Variants in RBMS1 observed in about 807,000 individuals in gnomAD.
The protein encoded by RBMS1 is RNA-binding motif, single-stranded-interacting protein 1.
Under a neutral mutation model 62.3 loss-of-function variants are expected in RBMS1, and 17 were observed. The ratio of observed to expected loss-of-function variants is 0.27; its 90% CI spans 0.19 to 0.41. The LOEUF is 0.41. Ranked by LOEUF, RBMS1 falls within the 10% of genes least tolerant of loss-of-function variation. The pLI, the probability that RBMS1 is intolerant of heterozygous loss-of-function variation, is 1.00. For missense variants in RBMS1, 334 were observed against 504.5 expected (o/e 0.66, Z 3.24); for synonymous variants, 172 against 170.0 (o/e 1.01, Z -0.09).
chr2:160,374,005 G>C (rs1291182059), intron 1 of RBMS1, among the ~76,000 whole-genome samples: 1 of 152,172 alleles, frequency 6.6e-6, no homozygotes, highest in Non-Finnish European at 1.5e-5. Flanking sequence ...AGGGGTGGTG[G>C]CTCATATCTG....
chr2:160,325,080 T>C (rs1052022332), intron 2 of RBMS1, among the ~76,000 whole-genome samples: 2 of 151,146 alleles, frequency 1.3e-5, no homozygotes, highest in African/African-American at 2.4e-5. Flanking sequence ...AGATGGGAGG[T>C]AGAATGTTTG....
chr2:160,310,308 G>A (rs1012825567), intron 4 of RBMS1, among the ~76,000 whole-genome samples: 1 of 152,136 alleles, frequency 6.6e-6, no homozygotes, highest in South Asian at 2.1e-4. Context: ...ACGGTTGTCA[G>A]CCAACAATTG....
chr2:160,380,051 C>A (rs943745760), intron 1 of RBMS1, among the ~76,000 whole-genome samples: 1 of 152,172 alleles, frequency 6.6e-6, no homozygotes, highest in African/African-American at 2.4e-5. Context: ...AACATGCAAT[C>A]TTTCATTTTC....
chr2:160,369,660 G>A (rs188951485), intron 1 of RBMS1, among the ~76,000 whole-genome samples: 16 of 152,312 alleles, frequency 1.1e-4, no homozygotes, highest in Non-Finnish European at 2.1e-4. Flanking sequence ...GGTCATCTGG[G>A]ATGAGACTTG....
chr2:160,305,707 AATG>A (rs1280363674), intron 4 of RBMS1, among the ~76,000 whole-genome samples: 1 of 152,124 alleles, frequency 6.6e-6, no homozygotes, highest in Non-Finnish European at 1.5e-5. Context: ...GAAGCAGGGG[AATG>A]ATATGATCAA....
At chr2:160,475,243 T>G (rs1422526908) in intron 1 of RBMS1, among the ~76,000 whole-genome samples, 1 of 152,176 alleles carries the variant, frequency 6.6e-6, no homozygotes. Context: ...ATTTACTGAT[T>G]CCCACACTTC....
intron 1 of RBMS1, among the ~76,000 whole-genome samples, chr2:160,451,082 G>C (rs1161764911): frequency 6.6e-6 from 1 of 151,724 alleles, no homozygotes; most frequent in Non-Finnish European, 1.5e-5. Context: ...CTTGAGCCCA[G>C]GAGTTTGAGG....
chr2:160,398,549 T>C (rs1453121945), intron 1 of RBMS1, among the ~76,000 whole-genome samples: 1 of 152,246 alleles, frequency 6.6e-6, no homozygotes, highest in Non-Finnish European at 1.5e-5. Context: ...CCATTTAGGC[T>C]GGACGATTCT....
chr2:160,276,365 C>A (rs139398785), intron 12 of RBMS1, among the ~76,000 whole-genome samples: 2 of 151,230 alleles, frequency 1.3e-5, no homozygotes, highest in African/African-American at 4.9e-5. Context: ...ACCACCACCA[C>A]CACCAACACC....
At chr2:160,276,358 A>T (rs753522821) in intron 12 of RBMS1, among the ~76,000 whole-genome samples, 1 of 150,394 alleles carries the variant, frequency 6.6e-6, no homozygotes, top group Non-Finnish European at 1.5e-5. Context: ...CACCACCACC[A>T]CCACCACCAC....
chr2:160,299,632 CAT>C (rs1384981321), intron 6 of RBMS1, among the ~76,000 whole-genome samples: 2 of 152,184 alleles, frequency 1.3e-5, no homozygotes, highest in Non-Finnish European at 2.9e-5. Context: ...AACCCTTGTA[CAT>C]GAGACTTTAA....
chr2:160,345,583 G>A (rs943470045), intron 2 of RBMS1, among the ~76,000 whole-genome samples: 1 of 152,146 alleles, frequency 6.6e-6, no homozygotes, highest in Admixed American at 6.5e-5. Context: ...TCCAAGGTCC[G>A]AAGTCAGGTC....
At position 160,278,686 on chromosome 2, in the gene RBMS1, T is replaced by C. The variant is rs1378660357; in HGVS notation, c.952-28A>G. On this transcript the variant is annotated intron_variant, in intron 10 of 13. Transcript: ENST00000348849. ...GGGGAGTTGGAGACAGGAGCAAAAT[T>C]AGACAAACTGAGGCAAGAGTTAAGA... The C allele has an allele frequency of 4.2e-6, 6 of 1,431,534 alleles. 1 individual carries two copies. The South Asian group carries it at 7.2e-5, about 17-fold the overall frequency. 88.7% of individuals were successfully genotyped at this position (1,431,534 alleles called of 1,614,324 possible). A position where few individuals can be genotyped will look rare whatever the true frequency, so the allele number is the denominator to read the frequency against.
intron 1 of RBMS1, among the ~76,000 whole-genome samples, chr2:160,465,456 G>A (rs1012006073): frequency 2.0e-5 from 3 of 152,062 alleles, no homozygotes; most frequent in African/African-American, 7.2e-5. Flanking sequence ...AAGAAGCACC[G>A]CTTTTTTGGT....
chr2:160,485,159 C>T (rs1178999380), intron 1 of RBMS1, among the ~76,000 whole-genome samples: 2 of 152,040 alleles, frequency 1.3e-5, no homozygotes, highest in African/African-American at 2.4e-5. Context: ...ATCTCTGAGG[C>T]CAGCACAAGA....
intron 1 of RBMS1, among the ~76,000 whole-genome samples, chr2:160,396,946 G>C (rs1019844774): frequency 1.3e-5 from 2 of 152,130 alleles, no homozygotes; most frequent in Non-Finnish European, 2.9e-5. Flanking sequence ...GATCTTATCA[G>C]AATCTCCATG....
intron 2 of RBMS1, among the ~76,000 whole-genome samples, chr2:160,323,257 C>T (rs1690682874): frequency 6.6e-6 from 1 of 151,504 alleles, no homozygotes; most frequent in Non-Finnish European, 1.5e-5. Context: ...GTGCAGACTG[C>T]TTGAGCTTAG....
intron 1 of RBMS1, among the ~76,000 whole-genome samples, chr2:160,432,945 G>C (rs1426155524): frequency 2.0e-5 from 3 of 152,126 alleles, no homozygotes; most frequent in African/African-American, 4.8e-5. Flanking sequence ...AGCAGAATTA[G>C]ATCTGGGAAA....
chr2:160,429,556 C>T (rs532109239), intron 1 of RBMS1, among the ~76,000 whole-genome samples: 1 of 152,148 alleles, frequency 6.6e-6, no homozygotes, highest in African/African-American at 2.4e-5. Context: ...AAGACTAAAT[C>T]AAGAATTAGG....
Sources: allele counts gnomAD v4.1 joint callset (sites outside exome capture counted in the v4.1 genomes callset), GRCh38; gene constraint gnomAD v4.1.1; transcripts MANE v1.5; gene names NCBI Gene and HGNC (gene_info 2026-07-23, HGNC 2026-07-21).